The following MYLK variants were observed in gnomAD, a reference collection of about 807,000 sequenced individuals.
MYLK encodes the protein myosin light chain kinase, smooth muscle.
MYLK carries 106 observed loss-of-function variants against 203.4 expected under a neutral mutation model. That is an observed-to-expected ratio of 0.52 (90% CI 0.45 to 0.61). The LOEUF (loss-of-function observed/expected upper bound fraction) is 0.61. MYLK is among the 20% of genes least tolerant of loss of function. The pLI is 0.00. For missense variants in MYLK, 2,072 were observed against 2,442.3 expected, an observed-to-expected ratio of 0.85 and a Z score of 3.20; for synonymous variants, 867 against 959.5, an observed-to-expected ratio of 0.90 and a Z score of 1.78.
chr3:123,614,037 T>G lies in MYLK; in HGVS notation c.*68A>C, dbSNP rs1360127995. On this transcript the variant is annotated 3_prime_UTR_variant, in exon 34 of 34. Coordinates refer to ENST00000360304, the MANE Select transcript of MYLK (RefSeq NM_053025.4). ...GCTTTTACTATCTTGAGTTTTTTTT[T>G]TTTTTTTGAGTTTTAGAGAAATAGT... The G allele has an allele frequency of 2.0e-5, 31 of 1,562,276 alleles. No individual in the cohort carries two copies. Among genetic ancestry groups the G allele is most frequent in the Middle Eastern group, 1.7e-4 (1 of 5,870 alleles).
chr3:123,750,618 G>C (rs928033448), intron 5 of MYLK, among the ~76,000 whole-genome samples: 3 of 152,236 alleles, frequency 2.0e-5, no homozygotes, highest in Non-Finnish European at 4.4e-5. Flanking sequence ...GACAGGTGCA[G>C]AGGTTTAGAG....
At chr3:123,767,583 G>A (rs1376890366) in intron 4 of MYLK, among the ~76,000 whole-genome samples, 1 of 152,190 alleles carries the variant, frequency 6.6e-6, no homozygotes, top group Non-Finnish European at 1.5e-5. Flanking sequence ...CTCCAGCCTG[G>A]GTGACAGGGT....
At chr3:123,620,607 A>C in intron 31 of MYLK, 2 of 1,237,212 alleles carry the variant, frequency 1.6e-6, no homozygotes, top group Non-Finnish European at 1.0e-6. Context: ...TGAGACAAAA[A>C]CCCTTTTCAT....
At chr3:123,710,845 A>C (rs1463433647) in intron 13 of MYLK, among the ~76,000 whole-genome samples, 3 of 152,216 alleles carry the variant, frequency 2.0e-5, no homozygotes, top group African/African-American at 4.8e-5. Context: ...CAGGTGAGTA[A>C]AACAAATTGT....
Position 123,801,229 on chromosome 3 carries a change from A to G in MYLK, c.-3-7385T>C, listed in dbSNP as rs764220967. On this transcript the variant is annotated intron_variant, in intron 3 of 33. Coordinates refer to ENST00000360304, the MANE Select transcript of MYLK (RefSeq NM_053025.4). Reference sequence around the variant, plus strand: ...ATAAAGTAAATGATGTTTTCTTACAAAAATAACTTGGACCTCAAGGGACCC... The same window carrying G: ...ATAAAGTAAATGATGTTTTCTTACAGAAATAACTTGGACCTCAAGGGACCC... 3.9e-5 allele frequency among the ~76,000 whole-genome samples: 6 copies of G among 152,212 alleles called. No individual in the cohort carries two copies. In the East Asian group the frequency reaches 9.6e-4, roughly 24 times the overall value.
chr3:123,738,867 G>T, intron 7 of MYLK, 30 bp downstream of exon 7: 1 of 1,595,664 alleles, frequency 6.3e-7, no homozygotes, highest in South Asian at 1.1e-5. Context: ...ATACAGGCTG[G>T]ATCAGGGTCA....
At position 123,737,429 on chromosome 3, in the gene MYLK, C is replaced by A; in HGVS notation, c.703G>T (p.Val235Leu). 1 of 1,614,198 alleles carries A rather than the reference C, an allele frequency of 6.2e-7. No individual in the cohort carries two copies. The highest frequency in any genetic ancestry group is 2.2e-5 in the East Asian group (1 of 44,884). The change falls in exon 8 of 34, where the codon GTG becomes TTG. Residue 235 changes from valine to leucine, a missense_variant. Around this residue, in one of 3 missense-constraint regions of MYLK, gnomAD observed 683 missense variants for 643.8 expected, o/e 1.06. Transcript: ENST00000360304. ...QDDVGVYTCL[V>L]VNGSGKASMS... ...GAGGCCTTCCCCGACCCGTTCACCA[C>A]CAGGCACGTGTACACTCCCACGTCA... is the stretch of plus-strand genomic sequence containing the variant.
At chr3:123,750,042 A>G (rs1010744253) in intron 5 of MYLK, among the ~76,000 whole-genome samples, 1 of 152,204 alleles carries the variant, frequency 6.6e-6, no homozygotes, top group Non-Finnish European at 1.5e-5. Flanking sequence ...CAACTCATCC[A>G]TGGCAGAAGG....
chr3:123,802,085 C>T (rs1256295699), intron 3 of MYLK, among the ~76,000 whole-genome samples: 4 of 152,168 alleles, frequency 2.6e-5, no homozygotes, highest in Non-Finnish European at 5.9e-5. Context: ...CACAGCCTTG[C>T]CAACATTTGT....
chr3:123,642,552 C>T lies in MYLK; in HGVS notation c.4620-2048G>A, dbSNP rs1478070410. On this transcript the variant is annotated intron_variant, in intron 27 of 33. Coordinates refer to ENST00000360304, the MANE Select transcript of MYLK (RefSeq NM_053025.4). This position sits in a 1 kb window ranked among gnomAD's most constrained non-coding sequence, Gnocchi z 4.2. ...CAGTGACAGCTGGAGGGAGCTAGAACTCATACTTTAAAACCCATCTGAGAA... is the reference window on the plus strand; with the variant it reads ...CAGTGACAGCTGGAGGGAGCTAGAATTCATACTTTAAAACCCATCTGAGAA... Among the ~76,000 whole-genome samples, 2 of 152,172 alleles carry T rather than the reference C, an allele frequency of 1.3e-5. No individual in the cohort carries two copies. Among genetic ancestry groups the T allele is most frequent in the South Asian group, 2.1e-4 (1 of 4,830 alleles).
At chr3:123,668,523 G>A (rs1370043585) in intron 20 of MYLK, among the ~76,000 whole-genome samples, 1 of 151,938 alleles carries the variant, frequency 6.6e-6, no homozygotes, top group Non-Finnish European at 1.5e-5. Flanking sequence ...GGGAGGGGTG[G>A]GCTGCAAAGG....
chr3:123,848,333 CCTTT>C (rs944444376), intron 2 of MYLK, among the ~76,000 whole-genome samples: 6 of 148,138 alleles, frequency 4.1e-5, no homozygotes, highest in African/African-American at 9.9e-5. Flanking sequence ...CATTTGTCTT[CCTTT>C]GTTTCCTTCC....
At chr3:123,659,785 G>A in intron 23 of MYLK, 2 of 463,056 alleles carry the variant, frequency 4.3e-6, no homozygotes, top group Middle Eastern at 5.4e-4. Context: ...GGCATCTCTG[G>A]GCAAAGGAGA....
chr3:123,801,115 A>T (rs2065180761), intron 3 of MYLK, among the ~76,000 whole-genome samples: 1 of 152,254 alleles, frequency 6.6e-6, no homozygotes, highest in African/African-American at 2.4e-5. Context: ...AAACAGCTAA[A>T]TTTTCATATC....
chr3:123,855,871 C>T (rs1243624342), intron 2 of MYLK, among the ~76,000 whole-genome samples: 1 of 152,086 alleles, frequency 6.6e-6, no homozygotes, highest in Non-Finnish European at 1.5e-5. Context: ...TCTGCTTTTA[C>T]ACCAAAGCTT....
intron 4 of MYLK, among the ~76,000 whole-genome samples, chr3:123,770,371 A>G (rs891776911): frequency 1.1e-4 from 17 of 152,220 alleles, no homozygotes; most frequent in African/African-American, 4.1e-4. Flanking sequence ...TTAGGAGAGA[A>G]TAAGTCTTGT....
intron 5 of MYLK, 45 bp downstream of exon 5, chr3:123,752,286 C>T (rs766609416): frequency 3.7e-6 from 6 of 1,603,736 alleles, no homozygotes; most frequent in Non-Finnish European, 5.1e-6. Flanking sequence ...CTTGGGGTAA[C>T]TGAGAGCTCA....
chr3:123,664,535 A>C (rs1451697985), intron 22 of MYLK, among the ~76,000 whole-genome samples: 1 of 152,104 alleles, frequency 6.6e-6, no homozygotes, highest in Non-Finnish European at 1.5e-5. Context: ...TGCTCCCAGA[A>C]ATATCCTGGT....
intron 2 of MYLK, among the ~76,000 whole-genome samples, chr3:123,848,401 A>G (rs1047282527): frequency 6.6e-6 from 1 of 151,824 alleles, no homozygotes; most frequent in African/African-American, 2.4e-5. Flanking sequence ...CTTGAGTAGG[A>G]TATATATAGT....
Sources: gnomAD v4.1 joint callset for allele counts (sites outside exome capture counted in the v4.1 genomes callset) on GRCh38, gnomAD v4.1.1 for gene constraint, gnomAD v4.1.1 regional missense constraint, Gnocchi (gnomAD v3.1) non-coding constraint, MANE v1.5 for transcripts, NCBI Gene and HGNC (gene_info 2026-07-23, HGNC 2026-07-21) for gene names.